The following RBFOX3 variants were observed in gnomAD, a reference collection of about 807,000 sequenced individuals.
The protein encoded by RBFOX3 is RNA binding protein fox-1 homolog 3.
In RBFOX3, 17 loss-of-function variants were observed where a neutral mutation model predicts 48.7. The observed-to-expected ratio is 0.35, with a 90% CI of 0.24 to 0.52. The LOEUF (loss-of-function observed/expected upper bound fraction) is 0.52, where lower values mean the gene tolerates loss of function less well. Among genes scored for constraint, RBFOX3 ranks in the 20% least tolerant of loss-of-function variants. RBFOX3 has a pLI of 0.94. For missense variants in RBFOX3, 382 were observed against 497.5 expected (o/e 0.77, Z 2.21); for synonymous variants, 212 against 209.5 (o/e 1.01, Z -0.10).
chr17:79,318,057 A>G (rs564696432), intron 2 of RBFOX3, among the ~76,000 whole-genome samples: 1 of 152,192 alleles, frequency 6.6e-6, no homozygotes, highest in Non-Finnish European at 1.5e-5. Flanking sequence ...CTTGTTACTC[A>G]GGCCTCATCT....
intron 2 of RBFOX3, among the ~76,000 whole-genome samples, chr17:79,348,227 A>G (rs572047347): frequency 2.0e-4 from 31 of 152,210 alleles, no homozygotes; most frequent in Non-Finnish European, 4.1e-4. Context: ...CTGTGAGCAC[A>G]GGTCCCTCTG....
intron 3 of RBFOX3, among the ~76,000 whole-genome samples, chr17:79,236,214 C>T (rs2061614753): frequency 6.6e-6 from 1 of 152,218 alleles, no homozygotes; most frequent in South Asian, 2.1e-4. Context: ...GTTTCCTCTG[C>T]CATGCCGTGG....
At chr17:79,109,653 G>A (rs1445971768) in intron 5 of RBFOX3, among the ~76,000 whole-genome samples, 2 of 152,192 alleles carry the variant, frequency 1.3e-5, no homozygotes, top group South Asian at 2.1e-4. Flanking sequence ...TTTCCTCCTC[G>A]GTGGACAGGG....
At chr17:79,096,891 A>C in intron 11 of RBFOX3, 58 bp from the exon 12 acceptor site, 3 of 616,722 alleles carry the variant, frequency 4.9e-6, no homozygotes, top group Non-Finnish European at 5.8e-6. Flanking sequence ...TCTCCCACAA[A>C]CCCCGGGGCC....
chr17:79,417,647 G>T (rs1470024446), intron 2 of RBFOX3, among the ~76,000 whole-genome samples: 5 of 152,254 alleles, frequency 3.3e-5, no homozygotes, highest in African/African-American at 1.2e-4. Context: ...CGCCGCTGCT[G>T]CGGAAAAGGA....
At chr17:79,150,143 A>G (rs1446239514) in intron 4 of RBFOX3, among the ~76,000 whole-genome samples, 3 of 150,378 alleles carry the variant, frequency 2.0e-5, no homozygotes, top group Non-Finnish European at 4.4e-5. Context: ...GGCAACCAGG[A>G]GCTGCCCTTG....
At chr17:79,626,158 TG>T in the RBFOX3 span, among the ~76,000 whole-genome samples, 1 of 151,850 alleles carries the variant, frequency 6.6e-6, no homozygotes, top group African/African-American at 2.4e-5. Flanking sequence ...GGGAGGATGC[TG>T]GGGGCAAGGA....
chr17:79,603,411 T>C (rs1432755718), intron 1 of RBFOX3, among the ~76,000 whole-genome samples: 1 of 152,120 alleles, frequency 6.6e-6, no homozygotes, highest in Non-Finnish European at 1.5e-5. Context: ...CTGACCCGGG[T>C]AACAACTGAG....
chr17:79,101,164 T>C (rs2707050), intron 9 of RBFOX3, among the ~76,000 whole-genome samples: 129,369 of 152,170 alleles, frequency 0.85, 55,140 homozygotes, highest in East Asian at 0.97. Context: ...CCCCGTGCCC[T>C]CACTGCCCTC....
intron 2 of RBFOX3, among the ~76,000 whole-genome samples, chr17:79,414,034 T>C (rs1051305128): frequency 2.0e-4 from 30 of 151,944 alleles, no homozygotes; most frequent in African/African-American, 6.0e-4. Context: ...CCCAGCTGGG[T>C]TTGGGCAGCT....
At chr17:79,408,537 G>A (rs987836703) in intron 2 of RBFOX3, among the ~76,000 whole-genome samples, 14 of 152,136 alleles carry the variant, frequency 9.2e-5, no homozygotes, top group African/African-American at 2.4e-4. Flanking sequence ...CCGAACCTGC[G>A]GGTTCCCCAT....
chr17:79,524,792 G>T (rs1307547194), intron 1 of RBFOX3, among the ~76,000 whole-genome samples: 1 of 152,182 alleles, frequency 6.6e-6, no homozygotes, highest in African/African-American at 2.4e-5. Context: ...CCTCGAACAT[G>T]GCATCATGGG....
intron 2 of RBFOX3, among the ~76,000 whole-genome samples, chr17:79,415,515 T>C (rs1008235077): frequency 2.6e-5 from 4 of 152,166 alleles, no homozygotes; most frequent in Admixed American, 2.6e-4. Context: ...CAGACGCAGA[T>C]GGAGGAGAGA....
intron 4 of RBFOX3, among the ~76,000 whole-genome samples, chr17:79,190,708 A>T (rs1265736659): frequency 6.6e-6 from 1 of 152,166 alleles, no homozygotes; most frequent in Non-Finnish European, 1.5e-5. Flanking sequence ...TTTTATTCAA[A>T]GGGTGAAGGC....
intron 1 of RBFOX3, among the ~76,000 whole-genome samples, chr17:79,496,732 C>T (rs2081593636): frequency 1.3e-5 from 2 of 152,162 alleles, no homozygotes. Flanking sequence ...GGCCCTTACC[C>T]CACCCTTTCC....
chr17:79,585,534 G>A (rs963853184), intron 1 of RBFOX3, among the ~76,000 whole-genome samples: 1 of 152,150 alleles, frequency 6.6e-6, no homozygotes, highest in Admixed American at 6.6e-5. Context: ...TCCAGCCTGG[G>A]CGACAACAGC....
the RBFOX3 span, among the ~76,000 whole-genome samples, chr17:79,626,735 GC>G: frequency 6.6e-6 from 1 of 152,242 alleles, no homozygotes; most frequent in Admixed American, 6.5e-5. Flanking sequence ...TGTTTGCAAT[GC>G]GGTGAATTGT....
At chr17:79,247,001 GT>G (rs1477943933) in intron 3 of RBFOX3, among the ~76,000 whole-genome samples, 4 of 152,182 alleles carry the variant, frequency 2.6e-5, no homozygotes, top group African/African-American at 4.8e-5. Flanking sequence ...ATTTAGACAT[GT>G]CCTTTCTCCT....
At chr17:79,119,203 G>C (rs1410957170) in intron 4 of RBFOX3, among the ~76,000 whole-genome samples, 2 of 152,136 alleles carry the variant, frequency 1.3e-5, no homozygotes, top group East Asian at 3.9e-4. Context: ...CATAAAGGGG[G>C]GAGCTCCGGC....
Sources: allele counts gnomAD v4.1 joint callset (sites outside exome capture counted in the v4.1 genomes callset), GRCh38; gene constraint gnomAD v4.1.1; transcripts MANE v1.5; gene names NCBI Gene and HGNC (gene_info 2026-07-23, HGNC 2026-07-21).